The following HSPA4 variants were observed in gnomAD, a reference collection of about 807,000 sequenced individuals.
The protein encoded by HSPA4 is heat shock 70 kDa protein 4.
HSPA4 carries 25 observed loss-of-function variants against 106.2 expected under a neutral mutation model. The observed-to-expected ratio is 0.24, with a 90% CI of 0.17 to 0.33. The LOEUF is 0.33. Ranked by LOEUF, HSPA4 falls within the 10% of genes least tolerant of loss-of-function variation. The pLI is 1.00. For missense variants in HSPA4, 841 were observed against 996.0 expected (o/e 0.84, Z 2.10); for synonymous variants, 332 against 333.6 (o/e 1.00, Z 0.05).
At chr5:133,076,976 TTAAAA>T in intron 7 of HSPA4, 78 bp downstream of exon 7, 1 of 1,243,296 alleles carries the variant, frequency 8.0e-7, no homozygotes, top group East Asian at 2.3e-5. Flanking sequence ...TGGCTAATTG[TTAAAA>T]TAATCACGGA....
chr5:133,068,561 T>G (rs977295823), intron 3 of HSPA4, among the ~76,000 whole-genome samples: 3 of 152,206 alleles, frequency 2.0e-5, no homozygotes, highest in Non-Finnish European at 4.4e-5. Context: ...AAAGGTAGTC[T>G]GCTGTTGCAG....
intron 1 of HSPA4, among the ~76,000 whole-genome samples, chr5:133,059,291 T>TA (rs1440903367): frequency 1.3e-5 from 2 of 150,782 alleles, no homozygotes; most frequent in South Asian, 2.1e-4. Context: ...CTACTAAAAA[T>TA]AAAAAAATTA....
intron 3 of HSPA4, among the ~76,000 whole-genome samples, chr5:133,068,864 T>C (rs1765345771): frequency 6.6e-6 from 1 of 151,890 alleles, no homozygotes; most frequent in South Asian, 2.1e-4. Flanking sequence ...AACAAGTAGA[T>C]GCAAGTCTAA....
At chr5:133,068,206 A>G (rs1254376054) in intron 3 of HSPA4, among the ~76,000 whole-genome samples, 1 of 152,132 alleles carries the variant, frequency 6.6e-6, no homozygotes. Flanking sequence ...TCACAGTTTT[A>G]AGTCACTAGC....
intron 1 of HSPA4, among the ~76,000 whole-genome samples, chr5:133,064,726 T>C (rs1237078780): frequency 6.6e-6 from 1 of 152,192 alleles, no homozygotes; most frequent in Admixed American, 6.5e-5. Context: ...GTAGAGACTG[T>C]CTAGCCCACC....
intron 1 of HSPA4, among the ~76,000 whole-genome samples, chr5:133,057,356 G>C (rs111397306): frequency 6.7e-6 from 1 of 148,744 alleles, no homozygotes; most frequent in African/African-American, 2.5e-5. Context: ...GTAGTTCTGC[G>C]TACCTTTTTT....
chr5:133,087,061 T>G (rs1395896677), intron 8 of HSPA4, among the ~76,000 whole-genome samples: 1 of 152,194 alleles, frequency 6.6e-6, no homozygotes, highest in African/African-American at 2.4e-5. Flanking sequence ...AATAAAAGTT[T>G]CTCCAAGAAA....
intron 13 of HSPA4, among the ~76,000 whole-genome samples, chr5:133,095,488 A>C (rs557558092): frequency 6.6e-6 from 1 of 152,334 alleles, no homozygotes; most frequent in East Asian, 1.9e-4. Flanking sequence ...TGTTAAATGA[A>C]TTCTCATTTG....
chr5:133,088,985 GT>G, intron 9 of HSPA4, 69 bp from the exon 10 acceptor site: 2 of 718,432 alleles, frequency 2.8e-6, no homozygotes, highest in East Asian at 2.6e-5. Context: ...TAATTTGTAT[GT>G]TTAAGTGATA....
intron 1 of HSPA4, among the ~76,000 whole-genome samples, chr5:133,064,387 T>A (rs905562810): frequency 6.6e-6 from 1 of 152,066 alleles, no homozygotes. Flanking sequence ...ATGCCTGTAA[T>A]CCCAGCTACT....
intron 15 of HSPA4, among the ~76,000 whole-genome samples, chr5:133,098,683 T>C (rs576111856): frequency 7.8e-4 from 119 of 151,864 alleles, no homozygotes; most frequent in African/African-American, 2.8e-3. Context: ...TATTTTTTTA[T>C]TTTTTTGAGA....
At chr5:133,104,181 G>A (rs1483369724) in intron 18 of HSPA4, 52 bp from the exon 19 acceptor site, 1 of 1,567,886 alleles carries the variant, frequency 6.4e-7, no homozygotes, top group South Asian at 1.1e-5. Context: ...AGCATGGCTT[G>A]TAAAATTTGT....
rs1765858919 is a variant in HSPA4, at chr5:133,106,139, TTG to T, written c.*1704_*1705del. The T allele has an allele frequency of 6.1e-5, 4 of 65,240 alleles. No individual in the cohort carries two copies. Among genetic ancestry groups the T allele is most frequent in the Non-Finnish European group, 9.3e-5 (3 of 32,142 alleles). The allele number at this position is 65,240 out of a possible 1,614,324, so 4.0% of individuals were successfully genotyped here. The stretch of plus-strand genomic sequence containing the variant: ...TTTTTTTTTTTTTTTTTTTTTTTTT[TTG>T]GTGTGTGTGTGTGTGTGTGTGGGGA... On this transcript the variant is annotated 3_prime_UTR_variant, in exon 19 of 19. Coordinates refer to ENST00000304858, the MANE Select transcript of HSPA4 (RefSeq NM_002154.4).
chr5:133,081,516 C>T (rs1765515097), intron 7 of HSPA4, among the ~76,000 whole-genome samples: 1 of 151,964 alleles, frequency 6.6e-6, no homozygotes, highest in African/African-American at 2.4e-5. Context: ...TGCTGTGGTT[C>T]CTGAATACCT....
At chr5:133,081,466 T>C (rs1473462583) in intron 7 of HSPA4, among the ~76,000 whole-genome samples, 1 of 152,214 alleles carries the variant, frequency 6.6e-6, no homozygotes, top group Non-Finnish European at 1.5e-5. Flanking sequence ...CTTCAGTGAG[T>C]TCTTTTTTCT....
In HSPA4 at chr5:133,104,224, C is replaced by T; in HGVS notation, c.2320-9C>T. 10 of 1,612,230 alleles carry T rather than the reference C, an allele frequency of 6.2e-6. No individual in the cohort carries two copies. The highest frequency in any genetic ancestry group is 8.5e-6 in the Non-Finnish European group (10 of 1,178,702). On this transcript the variant is annotated splice_polypyrimidine_tract_variant and intron_variant, in intron 18 of 18. Transcript: ENST00000304858. ...ATAAGAAACCAGTTTTCTGTCTTAC[C>T]CATTCCAGGAGCTGACAAGTACTTG... is the stretch of plus-strand genomic sequence containing the variant.
At chr5:133,091,493 G>A in intron 12 of HSPA4, 119 bp downstream of exon 12, 1 of 666,854 alleles carries the variant, frequency 1.5e-6, no homozygotes, top group Non-Finnish European at 2.5e-6. Context: ...GTGAGAGTGG[G>A]TTTGTATGTT....
chr5:133,053,848 C>CG lies in HSPA4; in HGVS notation c.107+1495dup, dbSNP rs1765122454. ...CTAAATTTTGTATTTTTAGTAGAGA[C>CG]GGGGTGTTGTCGAGTTGCCCAGGCT... On this transcript the variant is annotated intron_variant, in intron 1 of 18. Coordinates refer to ENST00000304858, the MANE Select transcript of HSPA4 (RefSeq NM_002154.4). Among the ~76,000 whole-genome samples the CG allele has an allele frequency of 4.0e-5, 6 of 151,376 alleles. No homozygotes were observed. In the South Asian group the frequency reaches 1.0e-3, roughly 26 times the overall value.
intron 2 of HSPA4, among the ~76,000 whole-genome samples, chr5:133,065,597 G>A (rs1765296888): frequency 6.6e-6 from 1 of 152,204 alleles, no homozygotes; most frequent in East Asian, 1.9e-4. Flanking sequence ...TCCAGATCTT[G>A]TTAAGCAAGG....
Sources: allele counts gnomAD v4.1 joint callset (sites outside exome capture counted in the v4.1 genomes callset), GRCh38; gene constraint gnomAD v4.1.1; transcripts MANE v1.5; gene names NCBI Gene and HGNC (gene_info 2026-07-23, HGNC 2026-07-21).